Variants in LPCAT2 observed in about 807,000 individuals in gnomAD.
LPCAT2 encodes the protein lysophosphatidylcholine acyltransferase 2.
LPCAT2 carries 58 observed loss-of-function variants against 64.7 expected under a neutral mutation model. The ratio of observed to expected loss-of-function variants is 0.90; its 90% confidence interval spans 0.73 to 1.12. LPCAT2 has a LOEUF of 1.12. Ranked by LOEUF, LPCAT2 falls within the 50% of genes most tolerant of loss-of-function variation. The pLI, the probability that LPCAT2 is intolerant of heterozygous loss-of-function variation, is 0.00. For missense variants in LPCAT2, 579 were observed against 669.8 expected (o/e 0.86, Z 1.50); for synonymous variants, 252 against 245.3 (o/e 1.03, Z -0.26).
At chr16:55,545,528 T>C in intron 8 of LPCAT2, 1 of 409,104 alleles carries the variant, frequency 2.4e-6, no homozygotes, top group Non-Finnish European at 4.4e-6. Flanking sequence ...TTCATCAAAG[T>C]TAAATGACAT....
At chr16:55,539,363 A>G (rs909724037) in intron 8 of LPCAT2, 2 of 151,578 alleles carry the variant, frequency 1.3e-5, no homozygotes, top group African/African-American at 4.9e-5. Flanking sequence ...TCTTTGTTCC[A>G]TAACTTCACA....
In LPCAT2 at chr16:55,529,958, G is replaced by A. The variant is rs1433904296; in HGVS notation, c.642+11G>A. 3 of 1,577,574 alleles carry A rather than the reference G, an allele frequency of 1.9e-6. No homozygotes were observed. In the South Asian group the frequency reaches 3.4e-5, roughly 18 times the overall value. ...GGAGAATGGCCCCAGGTAAAACATG[G>A]TAGATGTTAATTTAAATATAGTGGG... On this transcript the variant is annotated intron_variant, in intron 4 of 13. Coordinates refer to ENST00000262134, the MANE Select transcript of LPCAT2 (RefSeq NM_017839.5).
chr16:55,550,351 A>G (rs1158046948), intron 10 of LPCAT2, among the ~76,000 whole-genome samples: 3 of 152,200 alleles, frequency 2.0e-5, no homozygotes, highest in Non-Finnish European at 1.5e-5. Flanking sequence ...GGACATGTGT[A>G]TAGTCTAATG....
At chr16:55,517,449 TC>T (rs1963028957) in intron 1 of LPCAT2, among the ~76,000 whole-genome samples, 1 of 151,836 alleles carries the variant, frequency 6.6e-6, no homozygotes. Flanking sequence ...CACAAGCTCT[TC>T]CAAAAAATAA....
At chr16:55,515,578 G>C (rs1003010731) in intron 1 of LPCAT2, among the ~76,000 whole-genome samples, 1 of 152,146 alleles carries the variant, frequency 6.6e-6, no homozygotes, top group Non-Finnish European at 1.5e-5. Flanking sequence ...ATAAAGGACA[G>C]TACAAATGTA....
chr16:55,545,718 G>T lies in LPCAT2; in HGVS notation c.853-17G>T, dbSNP rs1045417949. On this transcript the variant is annotated splice_polypyrimidine_tract_variant and intron_variant, in intron 8 of 13. Coordinates refer to ENST00000262134, the MANE Select transcript of LPCAT2 (RefSeq NM_017839.5). ...AGGCTTAAGACATTGTTATGGAAAG[G>T]TATATTTGTCTTTCAGTTTATGCCA... 6.6e-7 allele frequency: 1 copy of T among 1,524,932 alleles called. No individual in the cohort carries two copies. The highest frequency in any genetic ancestry group is 2.3e-5 in the East Asian group (1 of 44,368). The allele number at this position is 1,524,932 out of a possible 1,614,324, so 94.5% of individuals were successfully genotyped here.
chr16:55,519,458 G>C (rs1254655961), intron 1 of LPCAT2, among the ~76,000 whole-genome samples: 1 of 149,612 alleles, frequency 6.7e-6, no homozygotes, highest in Non-Finnish European at 1.5e-5. Context: ...GCAGTGAGCT[G>C]AGATCCCGTC....
intron 11 of LPCAT2, among the ~76,000 whole-genome samples, chr16:55,557,614 T>C (rs1268658488): frequency 6.6e-6 from 1 of 152,204 alleles, no homozygotes; most frequent in Non-Finnish European, 1.5e-5. Context: ...GAAATTCCTG[T>C]AGTGGAAAAT....
intron 13 of LPCAT2, among the ~76,000 whole-genome samples, chr16:55,582,598 T>G (rs1036637529): frequency 1.3e-5 from 2 of 152,196 alleles, no homozygotes; most frequent in African/African-American, 2.4e-5. Flanking sequence ...TGTTTTTATT[T>G]TTTATCTATT....
At chr16:55,521,255 C>T (rs1038967329) in intron 1 of LPCAT2, among the ~76,000 whole-genome samples, 1 of 151,726 alleles carries the variant, frequency 6.6e-6, no homozygotes, top group East Asian at 1.9e-4. Flanking sequence ...GACAAAAATC[C>T]AGTGTATCAA....
intron 11 of LPCAT2, among the ~76,000 whole-genome samples, chr16:55,552,134 G>A (rs1963524693): frequency 6.6e-6 from 1 of 152,126 alleles, no homozygotes; most frequent in South Asian, 2.1e-4. Flanking sequence ...GGCAGCCAGT[G>A]ATCTGTTCTC....
chr16:55,580,443 A>G (rs1196193678), intron 13 of LPCAT2, among the ~76,000 whole-genome samples: 8 of 152,224 alleles, frequency 5.3e-5, no homozygotes, highest in African/African-American at 7.2e-5. Flanking sequence ...TGATTTGTAG[A>G]TAGCCATAAT....
At chr16:55,534,977 G>A (rs575404021) in intron 7 of LPCAT2, among the ~76,000 whole-genome samples, 1 of 152,142 alleles carries the variant, frequency 6.6e-6, no homozygotes, top group African/African-American at 2.4e-5. Context: ...GGAATCAGCA[G>A]TTTCTATAAG....
At chr16:55,553,765 G>A (rs1963544759) in intron 11 of LPCAT2, among the ~76,000 whole-genome samples, 3 of 152,324 alleles carry the variant, frequency 2.0e-5, no homozygotes, top group African/African-American at 2.4e-5. Flanking sequence ...AGAATCACTA[G>A]CTATGGCAGC....
chr16:55,528,360 T>C lies in LPCAT2; in HGVS notation c.312-17T>C. 3 of 1,600,716 alleles carry C rather than the reference T, an allele frequency of 1.9e-6. No individual in the cohort carries two copies. Among genetic ancestry groups the C allele is most frequent in the Non-Finnish European group, 2.6e-6 (3 of 1,168,820 alleles). On this transcript the variant is annotated splice_polypyrimidine_tract_variant and intron_variant, in intron 2 of 13. Coordinates refer to ENST00000262134, the MANE Select transcript of LPCAT2 (RefSeq NM_017839.5). ...TTAATTAACAGAGCTAATTACATCT[T>C]TTCTATATTTTCAAAGGAAAATTAC...
chr16:55,575,686 C>T (rs562757401), intron 12 of LPCAT2, among the ~76,000 whole-genome samples: 3 of 152,306 alleles, frequency 2.0e-5, no homozygotes, highest in Admixed American at 2.0e-4. Context: ...AGACTTTCTT[C>T]TTCCAAGAGT....
chr16:55,510,813 A>C (rs568156882), intron 1 of LPCAT2, among the ~76,000 whole-genome samples: 1 of 152,362 alleles, frequency 6.6e-6, no homozygotes, highest in Non-Finnish European at 1.5e-5. Flanking sequence ...GATTAAATTT[A>C]GTCTGATTTA....
rs1170134524 is a variant in LPCAT2, at chr16:55,584,951, T to TA, written c.*1859dup. 9.2e-5 allele frequency: 14 copies of TA among 152,200 alleles called. No homozygotes were observed. The highest frequency in any genetic ancestry group is 1.9e-4 in the Non-Finnish European group (13 of 68,010). The allele number at this position is 152,200 out of a possible 1,614,324, so 9.4% of individuals were successfully genotyped here. ...CATATGCAATGAATGTATGTAATACTAAAAAATCATGACTACTTTTATCAA... is the reference window on the plus strand; with the variant it reads ...CATATGCAATGAATGTATGTAATACTAAAAAAATCATGACTACTTTTATCAA... On this transcript the variant is annotated 3_prime_UTR_variant, in exon 14 of 14. Transcript: ENST00000262134.
intron 1 of LPCAT2, among the ~76,000 whole-genome samples, chr16:55,524,216 T>A (rs1963137233): frequency 6.6e-6 from 1 of 151,882 alleles, no homozygotes; most frequent in African/African-American, 2.4e-5. Flanking sequence ...CATATTGTCA[T>A]ATGGTCACAT....
Sources: allele counts gnomAD v4.1 joint callset (sites outside exome capture counted in the v4.1 genomes callset), GRCh38; gene constraint gnomAD v4.1.1; transcripts MANE v1.5; gene names NCBI Gene and HGNC (gene_info 2026-07-23, HGNC 2026-07-21).